The following EPG5 variants were observed in gnomAD, a reference collection of about 807,000 sequenced individuals.
The protein encoded by EPG5 is ectopic P granules protein 5 homolog.
A neutral mutation model predicts 302.7 loss-of-function variants in EPG5; 159 were observed. The ratio of observed to expected loss-of-function variants is 0.53; its 90% CI spans 0.46 to 0.60. EPG5 has a LOEUF of 0.60. Among genes scored for constraint, EPG5 ranks in the 20% least tolerant of loss-of-function variants. EPG5 has a pLI of 0.00. For missense variants in EPG5, 2,896 were observed against 3,092.4 expected, an observed-to-expected ratio of 0.94 and a Z score of 1.51; for synonymous variants, 1,158 against 1,136.8, an observed-to-expected ratio of 1.02 and a Z score of -0.37.
At chr18:45,816,907 ATAT>A in the EPG5 span, among the ~76,000 whole-genome samples, 1 of 152,238 alleles carries the variant, frequency 6.6e-6, no homozygotes, top group African/African-American at 2.4e-5. Flanking sequence ...AAACTGTGGT[ATAT>A]ATGTGGTGGA....
chr18:45,830,583 C>CTTTTTTTTTTTTTTTTTT, the EPG5 span, among the ~76,000 whole-genome samples: 2 of 96,702 alleles, frequency 2.1e-5, no homozygotes, highest in Non-Finnish European at 3.7e-5. Context: ...ATTTTTCTTT[C>CTTTTTTTTTTTTTTTTTT]TTTTTTTTTT....
At position 45,919,758 on chromosome 18, in the gene EPG5, C is replaced by T. The variant is rs957257191; in HGVS notation, c.3099-1939G>A. Reference sequence around the variant, plus strand: ...CGATCTCCTGACCTCGTGATCCGCCCGCCTCGGCCTCCCAAAGTGCTGGGA... The same window carrying T: ...CGATCTCCTGACCTCGTGATCCGCCTGCCTCGGCCTCCCAAAGTGCTGGGA... On this transcript the variant is annotated intron_variant, in intron 16 of 43. Coordinates refer to ENST00000282041, the MANE Select transcript of EPG5 (RefSeq NM_020964.3). 2.0e-4 allele frequency among the ~76,000 whole-genome samples: 31 copies of T among 152,118 alleles called. 1 individual carries two copies. The highest frequency in any genetic ancestry group is 9.2e-4 in the Admixed American group (14 of 15,272).
rs559185102 is a variant in EPG5 at position 45,910,640 on chromosome 18, G to C, written c.4086C>G (p.Phe1362Leu). 6 of 1,614,162 alleles carry C rather than the reference G, an allele frequency of 3.7e-6. No homozygotes were observed. Among genetic ancestry groups the C allele is most frequent in the Non-Finnish European group, 5.1e-6 (6 of 1,180,036 alleles). ...MKRRLTEVAD[F>L]HHAASKALRV... ...GGAGGGCCTTGCTTGCAGCATGGTG[G>C]AAGTCAGCCACCTCGGTCAAACGTC... Residue 1362 changes from phenylalanine to leucine, a missense_variant, in exon 23 of 44, where the codon TTC (phenylalanine) becomes TTG (leucine). Physicochemically the swap from Phe to Leu is conservative, Grantham distance 22 (BLOSUM62 0). Coordinates refer to ENST00000282041, the MANE Select transcript of EPG5 (RefSeq NM_020964.3).
chr18:45,853,884 G>A (rs2145157452), intron 43 of EPG5, among the ~76,000 whole-genome samples: 1 of 152,198 alleles, frequency 6.6e-6, no homozygotes, highest in African/African-American at 2.4e-5. Flanking sequence ...TTTAAATTTA[G>A]TCCCCCAAAC....
chr18:45,911,078 TACACAC>T (rs34212851), intron 22 of EPG5, among the ~76,000 whole-genome samples: 19 of 135,362 alleles, frequency 1.4e-4, no homozygotes, highest in South Asian at 2.4e-4. Context: ...TATCTATCTA[TACACAC>T]ACACACACAC....
intron 12 of EPG5, among the ~76,000 whole-genome samples, chr18:45,930,115 C>T (rs1023252681): frequency 6.6e-6 from 1 of 152,152 alleles, no homozygotes; most frequent in Non-Finnish European, 1.5e-5. Flanking sequence ...AATTTCACTC[C>T]CCTCCACCTT....
chr18:45,809,066 C>A, the EPG5 span, among the ~76,000 whole-genome samples: 3 of 152,066 alleles, frequency 2.0e-5, no homozygotes, highest in Non-Finnish European at 4.4e-5. Flanking sequence ...CAAATTGACA[C>A]CAAAAGTGAG....
chr18:45,939,708 T>A lies in EPG5; in HGVS notation c.1991A>T (p.His664Leu), dbSNP rs764115549. The A allele has an allele frequency of 1.2e-6, 2 of 1,614,028 alleles. No homozygotes were observed. Among genetic ancestry groups the A allele is most frequent in the Non-Finnish European group, 1.7e-6 (2 of 1,179,984 alleles). Reference protein sequence around the residue: ...VSDHWAQYVSHNQGSGLAQQP... With the variant: ...VSDHWAQYVSLNQGSGLAQQP... ...TTGGGCCAATCCTGAGCCTTGGTTA[T>A]GGCTCACATACTGTGCCCAATGGTC... is the stretch of plus-strand genomic sequence containing the variant. The change falls in exon 10 of 44, where the codon CAT (histidine) becomes CTT (leucine). Residue 664 changes from histidine (H) to leucine (L), a missense_variant. By Grantham distance (99) the His-to-Leu change is moderately conservative. Transcript: ENST00000282041.
Position 45,876,270 on chromosome 18 carries a change from A to T in EPG5, c.6015T>A (p.Thr2005=). Residue 2005 remains threonine (T), a synonymous_variant, in exon 35 of 44, where the codon ACT becomes ACA. Coordinates refer to ENST00000282041, the MANE Select transcript of EPG5 (RefSeq NM_020964.3). ...TCTCATGCAGTGAGTCAATACAGTC[A>T]GTGAACAGCTGCACAATGCTTGAGG... ...VVASSIVQLF[T]DCIDSLHESF... 6.2e-7 allele frequency: 1 copy of T among 1,614,046 alleles called. No homozygotes were observed. Among genetic ancestry groups the T allele is most frequent in the Non-Finnish European group, 8.5e-7 (1 of 1,179,890 alleles).
chr18:45,948,400 T>C lies in EPG5; in HGVS notation c.1571+103A>G. The C allele has an allele frequency of 3.4e-6, 3 of 892,560 alleles. No homozygotes were observed. The East Asian group carries it at 7.4e-5, about 22-fold the overall frequency. 55.3% of individuals were successfully genotyped at this position (892,560 alleles called of 1,614,324 possible). ...ATGTTAAATTCTAGAATGCCAACAC[T>C]TCCCTTAGCTGTTCTTCTTTGGATC... On this transcript the variant is annotated intron_variant, in intron 6 of 43. Coordinates refer to ENST00000282041, the MANE Select transcript of EPG5 (RefSeq NM_020964.3).
At position 45,850,208 on chromosome 18, in the gene EPG5, T is replaced by C. The variant is rs956099458; in HGVS notation, c.*2259A>G. 1.6e-4 allele frequency: 24 copies of C among 152,332 alleles called. No homozygotes were observed. The highest frequency in any genetic ancestry group is 5.5e-4 in the African/African-American group (23 of 41,472). 9.4% of individuals were successfully genotyped at this position (152,332 alleles called of 1,614,324 possible). A position where few individuals can be genotyped will look rare whatever the true frequency, so the allele number is the denominator to read the frequency against. ...CCACGCTGCTCAGTCCACAGGGCCTTGGTCTTGCTTGATTCCCGTCTTGAT... is the reference window on the plus strand; with the variant it reads ...CCACGCTGCTCAGTCCACAGGGCCTCGGTCTTGCTTGATTCCCGTCTTGAT... On this transcript the variant is annotated 3_prime_UTR_variant, in exon 44 of 44. Transcript: ENST00000282041.
At chr18:45,816,047 C>G in the EPG5 span, among the ~76,000 whole-genome samples, 588 of 152,260 alleles carry the variant, frequency 3.9e-3, 3 homozygotes, top group Middle Eastern at 0.01. Flanking sequence ...AGAAAGCACA[C>G]CCTTTTCAAC....
chr18:45,841,304 G>A, the EPG5 span, among the ~76,000 whole-genome samples: 9 of 152,116 alleles, frequency 5.9e-5, no homozygotes, highest in Non-Finnish European at 8.8e-5. Flanking sequence ...GAGTGTGGAC[G>A]TAAGACAGGG....
At chr18:45,959,371 C>T (rs1202078274) in intron 1 of EPG5, among the ~76,000 whole-genome samples, 2 of 151,818 alleles carry the variant, frequency 1.3e-5, no homozygotes, top group African/African-American at 4.8e-5. Flanking sequence ...CCGGGCCAGG[C>T]ATGGGCGGCT....
intron 11 of EPG5, among the ~76,000 whole-genome samples, chr18:45,931,784 A>G (rs1291173316): frequency 6.6e-6 from 1 of 152,080 alleles, no homozygotes; most frequent in Non-Finnish European, 1.5e-5. Context: ...GCAGTGAGCC[A>G]AGATCACACC....
the EPG5 span, among the ~76,000 whole-genome samples, chr18:45,830,405 T>C: frequency 6.6e-6 from 1 of 152,146 alleles, no homozygotes; most frequent in African/African-American, 2.4e-5. Context: ...TGAGAGCTAA[T>C]GCCCGATGCG....
chr18:45,919,553 C>T (rs1265318684), intron 16 of EPG5, among the ~76,000 whole-genome samples: 3 of 150,936 alleles, frequency 2.0e-5, no homozygotes, highest in East Asian at 1.9e-4. Context: ...CGCTCTGTCG[C>T]CCAGGCTGGA....
chr18:45,843,303 G>C (rs751211322), downstream of EPG5: 5 of 152,186 alleles, frequency 3.3e-5, no homozygotes, highest in Non-Finnish European at 5.9e-5. Flanking sequence ...TACACCTCAG[G>C]GTGAATTTGT....
chr18:45,805,734 G>A, the EPG5 span, among the ~76,000 whole-genome samples: 2 of 152,130 alleles, frequency 1.3e-5, no homozygotes, highest in African/African-American at 4.8e-5. Flanking sequence ...ATTCAACACA[G>A]AAGTATTACC....
Sources: allele counts gnomAD v4.1 joint callset (sites outside exome capture counted in the v4.1 genomes callset), GRCh38; gene constraint gnomAD v4.1.1; transcripts MANE v1.5; gene names NCBI Gene and HGNC (gene_info 2026-07-23, HGNC 2026-07-21).